RBMS3: variants seen among roughly 807,000 people sequenced by gnomAD.
RBMS3 encodes the protein RNA binding motif single stranded interacting protein 3, also known as RNA-binding motif, single-stranded-interacting protein 3.
RBMS3 carries 27 observed loss-of-function variants against 66.8 expected under a neutral mutation model. The ratio of observed to expected loss-of-function variants is 0.40; its 90% CI spans 0.30 to 0.56. The LOEUF (loss-of-function observed/expected upper bound fraction) is 0.56. Ranked by LOEUF, RBMS3 falls within the 20% of genes least tolerant of loss-of-function variation. The probability of loss-of-function intolerance (pLI) is 0.40; values close to 1 mark genes in which losing one functional copy is unlikely to be tolerated. For synonymous variants in RBMS3, 188 were observed against 183.0 expected, an observed-to-expected ratio of 1.03 and a Z score of -0.22; for missense variants, 513 against 549.5, an observed-to-expected ratio of 0.93 and a Z score of 0.66.
At chr3:29,410,419 C>T (rs575149891) in intron 1 of RBMS3, among the ~76,000 whole-genome samples, 1 of 152,268 alleles carries the variant, frequency 6.6e-6, no homozygotes, top group Middle Eastern at 3.4e-3. Flanking sequence ...ATGCAAATTG[C>T]CTAAAAGCTC....
intron 6 of RBMS3, among the ~76,000 whole-genome samples, chr3:29,828,618 T>C (rs1214951052): frequency 6.6e-6 from 1 of 152,210 alleles, no homozygotes; most frequent in African/African-American, 2.4e-5. Flanking sequence ...TTTTAAAATT[T>C]GTATGGCATT....
intron 5 of RBMS3, among the ~76,000 whole-genome samples, chr3:29,750,246 A>T (rs2055111881): frequency 6.6e-6 from 1 of 152,154 alleles, no homozygotes; most frequent in Non-Finnish European, 1.5e-5. Flanking sequence ...AGAAATCTTT[A>T]TTCAAGAATT....
chr3:29,788,971 A>G (rs1428512812), intron 6 of RBMS3, among the ~76,000 whole-genome samples: 1 of 152,178 alleles, frequency 6.6e-6, no homozygotes, highest in African/African-American at 2.4e-5. Flanking sequence ...AATAATAATA[A>G]GAGAAATGTG....
At chr3:29,697,902 T>C (rs2052352926) in intron 4 of RBMS3, among the ~76,000 whole-genome samples, 1 of 152,234 alleles carries the variant, frequency 6.6e-6, no homozygotes, top group Non-Finnish European at 1.5e-5. Context: ...TAGAGTTGCC[T>C]AATCTGTATA....
chr3:29,662,299 A>T (rs1361429110), intron 4 of RBMS3, among the ~76,000 whole-genome samples: 3 of 152,224 alleles, frequency 2.0e-5, no homozygotes, highest in East Asian at 3.8e-4. Flanking sequence ...CTAGTTTTTC[A>T]ACAGAAGAAC....
In RBMS3 at chr3:30,006,236, T is replaced by G. The variant is rs1337892140; in HGVS notation, c.*2374T>G. On this transcript the variant is annotated 3_prime_UTR_variant, in exon 15 of 15. Transcript: ENST00000383767. ...TTTAAAAACTAAAAAGTTTTAAAGG[T>G]AAATCATATTCCCATTAGGTCAACA... 1 of 151,866 alleles carries G rather than the reference T, an allele frequency of 6.6e-6. No individual in the cohort carries two copies. The allele number at this position is 151,866 out of a possible 1,614,324, so 9.4% of individuals were successfully genotyped here.
At chr3:29,875,910 G>A (rs1166929043) in intron 7 of RBMS3, among the ~76,000 whole-genome samples, 7 of 152,032 alleles carry the variant, frequency 4.6e-5, no homozygotes, top group Admixed American at 1.3e-4. Context: ...ATAGCACTAC[G>A]TTAGCAAAAG....
chr3:29,743,123 A>G (rs1358315144), intron 5 of RBMS3, among the ~76,000 whole-genome samples: 1 of 152,206 alleles, frequency 6.6e-6, no homozygotes, highest in Non-Finnish European at 1.5e-5. Flanking sequence ...ATATATTTTT[A>G]GCTGTACCAT....
At chr3:29,680,084 A>G (rs982699514) in intron 4 of RBMS3, among the ~76,000 whole-genome samples, 1 of 152,190 alleles carries the variant, frequency 6.6e-6, no homozygotes, top group Non-Finnish European at 1.5e-5. Flanking sequence ...ACAAAGGCTC[A>G]AGCCTTGAAT....
chr3:29,377,760 A>C (rs1472832719), intron 1 of RBMS3, among the ~76,000 whole-genome samples: 1 of 152,210 alleles, frequency 6.6e-6, no homozygotes, highest in African/African-American at 2.4e-5. Context: ...CTGCCATGAC[A>C]GATATTGGGC....
intron 4 of RBMS3, among the ~76,000 whole-genome samples, chr3:29,660,288 A>C (rs2050491001): frequency 6.6e-6 from 1 of 151,992 alleles, no homozygotes; most frequent in Admixed American, 6.6e-5. Context: ...AATTTTAGTA[A>C]TATGTTCTTC....
intron 3 of RBMS3, among the ~76,000 whole-genome samples, chr3:29,549,788 A>AG (rs934260186): frequency 1.1e-4 from 16 of 151,900 alleles, no homozygotes; most frequent in South Asian, 4.2e-4. Context: ...TAGTGCACAG[A>AG]GAAAAAAAAA....
At chr3:29,728,626 C>A (rs920338251) in intron 4 of RBMS3, among the ~76,000 whole-genome samples, 4 of 152,150 alleles carry the variant, frequency 2.6e-5, no homozygotes, top group African/African-American at 9.7e-5. Context: ...GATATATACA[C>A]ACACAGCACA....
intron 4 of RBMS3, among the ~76,000 whole-genome samples, chr3:29,734,765 A>G (rs1339981179): frequency 6.6e-6 from 1 of 152,170 alleles, no homozygotes; most frequent in Non-Finnish European, 1.5e-5. Context: ...CATTAACATA[A>G]TATCAAATGC....
intron 1 of RBMS3, among the ~76,000 whole-genome samples, chr3:29,403,469 C>G (rs2039893005): frequency 6.6e-6 from 1 of 151,958 alleles, no homozygotes. Context: ...CTAACTTTGC[C>G]ATCTTTCTAT....
At chr3:29,333,912 A>G (rs2035805344) in intron 1 of RBMS3, among the ~76,000 whole-genome samples, 2 of 152,206 alleles carry the variant, frequency 1.3e-5, no homozygotes, top group African/African-American at 4.8e-5. Context: ...AGTCAAGAAA[A>G]TATAGTAAGA....
rs1361012893 is a variant in RBMS3, at chr3:29,430,791, C to A, written c.76-3952C>A. On this transcript the variant is annotated intron_variant, in intron 1 of 14. Transcript: ENST00000383767. Reference sequence around the variant, plus strand: ...TGGTTTTAAAGGCTAAACAAAGTCTCATTTTTGAAAAAGCCTGAATGCAGA... The same window carrying A: ...TGGTTTTAAAGGCTAAACAAAGTCTAATTTTTGAAAAAGCCTGAATGCAGA... 6.4e-5 allele frequency among the ~76,000 whole-genome samples: 4 copies of A among 62,372 alleles called. No individual in the cohort carries two copies. The Admixed American group carries it at 8.8e-4, about 14-fold the overall frequency. The allele number at this position is 62,372 out of a possible 152,430, so 40.9% of individuals were successfully genotyped here.
At chr3:29,934,896 G>A (rs983393130) in intron 10 of RBMS3, among the ~76,000 whole-genome samples, 3 of 152,066 alleles carry the variant, frequency 2.0e-5, no homozygotes, top group Non-Finnish European at 1.5e-5. Flanking sequence ...GAATTGCTTA[G>A]TTTGAGCAAA....
At chr3:29,629,392 A>G (rs2049197448) in intron 4 of RBMS3, among the ~76,000 whole-genome samples, 1 of 152,000 alleles carries the variant, frequency 6.6e-6, no homozygotes, top group African/African-American at 2.4e-5. Context: ...ATAAAAATAA[A>G]CCTCTTTGCC....
Sources: allele counts gnomAD v4.1 joint callset (sites outside exome capture counted in the v4.1 genomes callset), GRCh38; gene constraint gnomAD v4.1.1; transcripts MANE v1.5; gene names NCBI Gene and HGNC (gene_info 2026-07-23, HGNC 2026-07-21).